The following ZFPM2 variants were observed in gnomAD, a reference collection of about 807,000 sequenced individuals.
ZFPM2 encodes zinc finger protein, FOG family member 2.
ZFPM2 carries 20 observed loss-of-function variants against 98.6 expected under a neutral mutation model. The observed-to-expected ratio is 0.20, with a 90% CI of 0.14 to 0.29. The LOEUF (loss-of-function observed/expected upper bound fraction) is 0.29. ZFPM2 is among the 10% of genes least tolerant of loss of function. The pLI, the probability that ZFPM2 is intolerant of heterozygous loss-of-function variation, is 1.00. For synonymous variants in ZFPM2, 518 were observed against 502.7 expected, an observed-to-expected ratio of 1.03 and a Z score of -0.41; for missense variants, 1,310 against 1,388.6, an observed-to-expected ratio of 0.94 and a Z score of 0.90.
intron 1 of ZFPM2, among the ~76,000 whole-genome samples, chr8:105,351,844 A>G (rs2941652): frequency 0.063 from 9,510 of 152,106 alleles, 448 homozygotes; most frequent in Non-Finnish European, 0.09. Flanking sequence ...GCTCTATTTT[A>G]TATTAAAAGC....
intron 4 of ZFPM2, among the ~76,000 whole-genome samples, chr8:105,616,496 A>T (rs1200765270): frequency 6.6e-6 from 1 of 152,082 alleles, no homozygotes; most frequent in East Asian, 1.9e-4. Context: ...GGATGTAATA[A>T]ATAGGCATAG....
intron 4 of ZFPM2, among the ~76,000 whole-genome samples, chr8:105,565,470 T>C (rs1815224552): frequency 6.6e-6 from 1 of 152,182 alleles, no homozygotes; most frequent in Non-Finnish European, 1.5e-5. Flanking sequence ...TATTTACTTC[T>C]TACACAAGTG....
chr8:105,729,721 CAT>C (rs1271308977), intron 5 of ZFPM2, among the ~76,000 whole-genome samples: 1 of 151,584 alleles, frequency 6.6e-6, no homozygotes, highest in Non-Finnish European at 1.5e-5. Context: ...GGTTCATTGT[CAT>C]AGAGGAAGTT....
chr8:105,747,335 A>G (rs1022513727), intron 5 of ZFPM2, among the ~76,000 whole-genome samples: 8 of 152,056 alleles, frequency 5.3e-5, no homozygotes, highest in Non-Finnish European at 8.8e-5. Context: ...ACAGCACTTG[A>G]CCTTAGAGAG....
At position 105,788,888 on chromosome 8, in the gene ZFPM2, G is replaced by T; in HGVS notation, c.703G>T (p.Ala235Ser). 1 of 1,613,790 alleles carries T rather than the reference G, an allele frequency of 6.2e-7. No homozygotes were observed. The highest frequency in any genetic ancestry group is 1.1e-5 in the South Asian group (1 of 91,064). The change falls in exon 6 of 8, where the codon GCC (alanine) becomes TCC (serine). Residue 235 changes from alanine (A) to serine (S), a missense_variant. Transcript: ENST00000407775. The part of the protein sequence containing the change: ...DSIQLLPQQA[A>S]MASILPTAIV... ...AATTCAGCTGCTTCCTCAGCAAGCT[G>T]CCATGGCTTCTATTTTGCCCACAGC...
rs1197185591 is a variant in ZFPM2, at chr8:105,404,036, ACAACAACAG to A, written c.41-15105_41-15097del. Among the ~76,000 whole-genome samples the A allele has an allele frequency of 2.3e-3, 338 of 148,938 alleles. 1 individual carries two copies. The highest frequency in any genetic ancestry group is 8.2e-3 in the African/African-American group (324 of 39,334). On this transcript the variant is annotated intron_variant, in intron 1 of 7. Coordinates refer to ENST00000407775, the MANE Select transcript of ZFPM2 (RefSeq NM_012082.4). ...AACAACAACAACAACAACAACAACA[ACAACAACAG>A]CAGCATAGATTTGGCCCTAGGCGCT... is the stretch of plus-strand genomic sequence containing the variant.
chr8:105,673,559 C>T (rs1817636908), intron 5 of ZFPM2, among the ~76,000 whole-genome samples: 1 of 152,026 alleles, frequency 6.6e-6, no homozygotes, highest in Admixed American at 6.6e-5. Flanking sequence ...AGGAAAATTA[C>T]ATTTCCTTCC....
At chr8:105,378,625 T>C (rs555652174) in intron 1 of ZFPM2, among the ~76,000 whole-genome samples, 3 of 152,188 alleles carry the variant, frequency 2.0e-5, no homozygotes, top group Non-Finnish European at 2.9e-5. Flanking sequence ...GGCTAGATTA[T>C]GTGAGTATAT....
chr8:105,655,405 A>G (rs1442749352), intron 5 of ZFPM2, among the ~76,000 whole-genome samples: 1 of 151,554 alleles, frequency 6.6e-6, no homozygotes, highest in African/African-American at 2.4e-5. Flanking sequence ...CTAATTTTGT[A>G]TTTTTAGTAG....
chr8:105,568,882 T>C (rs983784789), intron 4 of ZFPM2, among the ~76,000 whole-genome samples: 3 of 152,128 alleles, frequency 2.0e-5, no homozygotes, highest in African/African-American at 7.2e-5. Context: ...TTATAGACTT[T>C]AGGCATTCTG....
intron 4 of ZFPM2, among the ~76,000 whole-genome samples, chr8:105,602,038 G>C (rs1018041654): frequency 1.3e-5 from 2 of 152,078 alleles, no homozygotes; most frequent in African/African-American, 4.8e-5. Flanking sequence ...ACGTCCAACT[G>C]CTCCTTCAGT....
intron 4 of ZFPM2, among the ~76,000 whole-genome samples, chr8:105,626,817 A>T (rs188003787): frequency 6.6e-6 from 1 of 152,312 alleles, no homozygotes. Context: ...CACCAAAAGC[A>T]TTTTCAACAA....
intron 5 of ZFPM2, among the ~76,000 whole-genome samples, chr8:105,650,492 C>G (rs1370270740): frequency 6.6e-6 from 1 of 152,086 alleles, no homozygotes; most frequent in Non-Finnish European, 1.5e-5. Flanking sequence ...TAGTTCTTTC[C>G]TGCTTTCTCT....
chr8:105,712,685 T>C (rs567511343), intron 5 of ZFPM2, among the ~76,000 whole-genome samples: 3 of 152,172 alleles, frequency 2.0e-5, no homozygotes, highest in African/African-American at 7.2e-5. Context: ...TAGTACCCAA[T>C]AGGAAGTTTT....
In ZFPM2 at chr8:105,634,230, A is replaced by G; in HGVS notation, c.421-16A>G. ...CGGAAGCAAATGGCATCTGTTTGTT[A>G]TCATTCTTTCTACAGAAGACAAAGG... On this transcript the variant is annotated splice_polypyrimidine_tract_variant and intron_variant, in intron 4 of 7. Transcript: ENST00000407775. The G allele has an allele frequency of 1.3e-6, 2 of 1,598,138 alleles. No individual in the cohort carries two copies. Among genetic ancestry groups the G allele is most frequent in the Non-Finnish European group, 1.7e-6 (2 of 1,169,218 alleles).
chr8:105,688,262 G>T (rs1302887492), intron 5 of ZFPM2, among the ~76,000 whole-genome samples: 1 of 151,812 alleles, frequency 6.6e-6, no homozygotes, highest in Non-Finnish European at 1.5e-5. Context: ...TGTACAATGG[G>T]GATCAAAGGA....
chr8:105,646,051 GA>G (rs33913136), intron 5 of ZFPM2, among the ~76,000 whole-genome samples: 25,231 of 132,832 alleles, frequency 0.19, 2,118 homozygotes, highest in Middle Eastern at 0.31. Context: ...ACTCCATCTG[GA>G]AAAAAAAAAA....
chr8:105,455,714 C>T (rs1812575637), intron 3 of ZFPM2, among the ~76,000 whole-genome samples: 1 of 152,074 alleles, frequency 6.6e-6, no homozygotes, highest in African/African-American at 2.4e-5. Context: ...TTGTTAGTGT[C>T]ATTATATGTG....
intron 2 of ZFPM2, 32 bp downstream of exon 2, chr8:105,419,334 G>T: frequency 1.2e-6 from 2 of 1,600,542 alleles, no homozygotes; most frequent in Non-Finnish European, 8.5e-7. Context: ...TAATATGTGA[G>T]TCCACTTAAA....
Sources: allele counts gnomAD v4.1 joint callset (sites outside exome capture counted in the v4.1 genomes callset), GRCh38; gene constraint gnomAD v4.1.1; transcripts MANE v1.5; gene names NCBI Gene and HGNC (gene_info 2026-07-23, HGNC 2026-07-21).